Variants in BCAS4 observed in about 807,000 individuals in gnomAD.
BCAS4 encodes breast carcinoma amplified sequence 4, also known as breast carcinoma-amplified sequence 4.
A neutral mutation model predicts 15.7 loss-of-function variants in BCAS4; 9 were observed. That is an observed-to-expected ratio of 0.57 (90% CI 0.34 to 1.00). The LOEUF is 1.00. BCAS4 is among the 50% of genes least tolerant of loss of function. BCAS4 has a pLI of 0.02. For missense variants in BCAS4, 225 were observed against 239.1 expected, an observed-to-expected ratio of 0.94 and a Z score of 0.39; for synonymous variants, 101 against 99.5, an observed-to-expected ratio of 1.02 and a Z score of -0.09.
chr20:50,822,053 G>C (rs2123780384), intron 2 of BCAS4, among the ~76,000 whole-genome samples: 1 of 152,322 alleles, frequency 6.6e-6, no homozygotes, highest in East Asian at 1.9e-4. Flanking sequence ...TTGTGGGCTA[G>C]AGCAGGGCAC....
intron 1 of BCAS4, among the ~76,000 whole-genome samples, chr20:50,811,569 C>T (rs769971654): frequency 3.3e-5 from 5 of 152,230 alleles, no homozygotes; most frequent in East Asian, 1.9e-4. Flanking sequence ...GGGGCAATCA[C>T]GAATCTATTT....
chr20:50,868,311 G>A (rs1979458049), intron 4 of BCAS4, among the ~76,000 whole-genome samples: 1 of 152,188 alleles, frequency 6.6e-6, no homozygotes, highest in Non-Finnish European at 1.5e-5. Context: ...AAGAGAGGAG[G>A]GGCAGATGCA....
rs1979976741 is a variant in BCAS4, at chr20:50,876,785, C to A, written c.*177C>A. 2.5e-6 allele frequency: 2 copies of A among 802,374 alleles called. No individual in the cohort carries two copies. The highest frequency in any genetic ancestry group is 3.9e-5 in the East Asian group (1 of 25,712). 49.7% of individuals were successfully genotyped at this position (802,374 alleles called of 1,614,324 possible). A position where few individuals can be genotyped will look rare whatever the true frequency, so the allele number is the denominator to read the frequency against. On this transcript the variant is annotated 3_prime_UTR_variant, in exon 5 of 5. Coordinates refer to ENST00000371608, the MANE Select transcript of BCAS4 (RefSeq NM_198799.4). ...TCTCAAACTCCTGGGCTCAAGTGAT[C>A]CACCCACCTTGGCCTTCCAAAGTGG...
Position 50,828,176 on chromosome 20 carries a change from G to A in BCAS4, c.163-2103G>A, listed in dbSNP as rs946539720. Among the ~76,000 whole-genome samples, 72 of 152,022 alleles carry A rather than the reference G, an allele frequency of 4.7e-4. 1 individual carries two copies. The highest frequency in any genetic ancestry group is 1.5e-3 in the African/African-American group (63 of 41,394). Reference sequence around the variant, plus strand: ...CACCACATGCCACCCTCTCAGGGCCGATTTTTGACCTTGTGGGATCAGAGC... The same window carrying A: ...CACCACATGCCACCCTCTCAGGGCCAATTTTTGACCTTGTGGGATCAGAGC... On this transcript the variant is annotated intron_variant, in intron 2 of 4. Coordinates refer to ENST00000371608, the MANE Select transcript of BCAS4 (RefSeq NM_198799.4).
intron 3 of BCAS4, among the ~76,000 whole-genome samples, chr20:50,834,803 C>A (rs1262220173): frequency 6.6e-6 from 1 of 152,202 alleles, no homozygotes; most frequent in African/African-American, 2.4e-5. Context: ...TGGAATCATA[C>A]CATATATGGC....
intron 3 of BCAS4, chr20:50,840,725 C>T: frequency 6.2e-7 from 1 of 1,612,518 alleles, no homozygotes; most frequent in Non-Finnish European, 8.5e-7. Context: ...TTCTCGATCT[C>T]AGCCATATCG....
intron 4 of BCAS4, among the ~76,000 whole-genome samples, chr20:50,857,127 C>T (rs909181720): frequency 6.6e-6 from 1 of 152,156 alleles, no homozygotes; most frequent in Admixed American, 6.5e-5. Context: ...ACTCATTGAG[C>T]AGTATTTTCT....
chr20:50,838,040 C>G (rs1387923445), intron 3 of BCAS4, among the ~76,000 whole-genome samples: 2 of 151,604 alleles, frequency 1.3e-5, no homozygotes, highest in African/African-American at 2.4e-5. Flanking sequence ...GCTGATTCAG[C>G]CTTTCAGCCC....
chr20:50,870,605 C>G (rs1344338961), intron 4 of BCAS4, among the ~76,000 whole-genome samples: 2 of 152,392 alleles, frequency 1.3e-5, no homozygotes, highest in East Asian at 3.9e-4. Flanking sequence ...CTCAGCCACC[C>G]TCAGCCATGA....
At chr20:50,865,191 C>A (rs1297757808) in intron 4 of BCAS4, among the ~76,000 whole-genome samples, 2 of 152,136 alleles carry the variant, frequency 1.3e-5, no homozygotes, top group Admixed American at 6.6e-5. Flanking sequence ...AGCCCAGGCG[C>A]CTTGGTGCTC....
At chr20:50,863,837 C>T (rs1238709148) in intron 4 of BCAS4, among the ~76,000 whole-genome samples, 2 of 152,190 alleles carry the variant, frequency 1.3e-5, no homozygotes, top group African/African-American at 4.8e-5. Flanking sequence ...AGCGAGGCCA[C>T]TGGGCACAGC....
intron 2 of BCAS4, among the ~76,000 whole-genome samples, chr20:50,824,196 G>T (rs2088250481): frequency 6.6e-6 from 1 of 152,352 alleles, no homozygotes; most frequent in South Asian, 2.1e-4. Context: ...TGAAACTCCA[G>T]TGGCCTTCGG....
At chr20:50,808,914 A>G (rs922828862) in intron 1 of BCAS4, among the ~76,000 whole-genome samples, 1 of 152,162 alleles carries the variant, frequency 6.6e-6, no homozygotes, top group Admixed American at 6.5e-5. Flanking sequence ...GCCTAAGCCA[A>G]TCTCTAGAAG....
At chr20:50,829,868 A>G (rs2123790841) in intron 2 of BCAS4, among the ~76,000 whole-genome samples, 1 of 152,258 alleles carries the variant, frequency 6.6e-6, no homozygotes, top group African/African-American at 2.4e-5. Context: ...TAACATTATT[A>G]ATGAATATTA....
Position 50,876,805 on chromosome 20 carries a change from AAGT to A in BCAS4, c.*198_*200del. ...GTGATCCACCCACCTTGGCCTTCCA[AAGT>A]GGTGGGATTATGGGCAGGAGCCTCC... is the stretch of plus-strand genomic sequence containing the variant. On this transcript the variant is annotated 3_prime_UTR_variant, in exon 5 of 5. Coordinates refer to ENST00000371608, the MANE Select transcript of BCAS4 (RefSeq NM_198799.4). The A allele has an allele frequency of 1.6e-6, 1 of 607,782 alleles. No homozygotes were observed. The highest frequency in any genetic ancestry group is 2.4e-6 in the Non-Finnish European group (1 of 422,732). 37.6% of individuals were successfully genotyped at this position (607,782 alleles called of 1,614,324 possible).
chr20:50,834,812 G>C (rs1600871224), intron 3 of BCAS4, among the ~76,000 whole-genome samples: 1 of 152,234 alleles, frequency 6.6e-6, no homozygotes, highest in East Asian at 1.9e-4. Flanking sequence ...ACCATATATG[G>C]CCTTCTGTGT....
intron 1 of BCAS4, among the ~76,000 whole-genome samples, chr20:50,812,355 G>C (rs181858138): frequency 1.4e-4 from 21 of 150,776 alleles, no homozygotes; most frequent in African/African-American, 4.2e-4. Context: ...GGATGGTCTC[G>C]ATCTCCTGAC....
chr20:50,848,527 G>C (rs749623592), intron 4 of BCAS4, among the ~76,000 whole-genome samples: 1 of 152,232 alleles, frequency 6.6e-6, no homozygotes, highest in African/African-American at 2.4e-5. Flanking sequence ...AGGTAGCAGG[G>C]ACCAGATTGT....
chr20:50,857,765 G>A (rs1026799458), intron 4 of BCAS4, among the ~76,000 whole-genome samples: 2 of 152,222 alleles, frequency 1.3e-5, no homozygotes, highest in Non-Finnish European at 2.9e-5. Context: ...GAGGGAATGG[G>A]CAGGTAGTGG....
Sources: gnomAD v4.1 joint callset for allele counts (sites outside exome capture counted in the v4.1 genomes callset) on GRCh38, gnomAD v4.1.1 for gene constraint, MANE v1.5 for transcripts, NCBI Gene and HGNC (gene_info 2026-07-23, HGNC 2026-07-21) for gene names.